Variants in UNC13B observed in about 807,000 individuals in gnomAD.
UNC13B encodes the protein protein unc-13 homolog B.
Under a neutral mutation model 211.0 loss-of-function variants are expected in UNC13B, and 144 were observed. The ratio of observed to expected loss-of-function variants is 0.68; its 90% CI spans 0.60 to 0.78. UNC13B has a LOEUF of 0.78. UNC13B is among the 30% of genes least tolerant of loss of function. The probability of loss-of-function intolerance (pLI) is 0.00; values close to 1 mark genes in which losing one functional copy is unlikely to be tolerated. For missense variants in UNC13B, 1,777 were observed against 2,002.0 expected, an observed-to-expected ratio of 0.89 and a Z score of 2.14; for synonymous variants, 709 against 725.8, an observed-to-expected ratio of 0.98 and a Z score of 0.37.
intron 3 of UNC13B, among the ~76,000 whole-genome samples, chr9:35,235,631 G>A (rs1472284368): frequency 1.3e-5 from 2 of 151,932 alleles, no homozygotes; most frequent in African/African-American, 2.4e-5. Context: ...TAGAGACAGG[G>A]TTTTGCAACG....
intron 6 of UNC13B, among the ~76,000 whole-genome samples, chr9:35,256,259 G>A (rs971915013): frequency 1.3e-5 from 2 of 151,968 alleles, no homozygotes; most frequent in African/African-American, 2.4e-5. Context: ...CCAGGATATT[G>A]CATTACACTT....
At chr9:35,195,476 G>T (rs1822885208) in intron 1 of UNC13B, among the ~76,000 whole-genome samples, 2 of 80,006 alleles carry the variant, frequency 2.5e-5, no homozygotes, top group Non-Finnish European at 5.0e-5. Flanking sequence ...ACCTCCTGAG[G>T]CTGTGTCACA....
At position 35,326,513 on chromosome 9, in the gene UNC13B, G is replaced by A. The variant is rs148217229; in HGVS notation, c.9414+12524G>A. ...CAGTCCTTCTACCTCAGCTTCCTGA[G>A]TAGCTTGGACTATAGGCATGCACCA... is the stretch of plus-strand genomic sequence containing the variant. On this transcript the variant is annotated intron_variant, in intron 11 of 39. Coordinates refer to ENST00000635942, the MANE Select transcript of UNC13B (RefSeq NM_001371189.2). 2.0e-3 allele frequency among the ~76,000 whole-genome samples: 297 copies of A among 152,190 alleles called. 1 individual carries two copies. Among genetic ancestry groups the A allele is most frequent in the African/African-American group, 5.5e-3 (227 of 41,520 alleles).
intron 7 of UNC13B, among the ~76,000 whole-genome samples, chr9:35,261,967 T>A (rs1332279554): frequency 2.0e-5 from 3 of 152,194 alleles, no homozygotes; most frequent in African/African-American, 4.8e-5. Flanking sequence ...TCTTTTTTTT[T>A]ATGGATAAAT....
rs750724373 is a variant in UNC13B, at chr9:35,228,017, A to G, written c.25A>G (p.Lys9Glu). 1.2e-6 allele frequency: 2 copies of G among 1,611,894 alleles called. No individual in the cohort carries two copies. The highest frequency in any genetic ancestry group is 2.7e-5 in the African/African-American group (2 of 74,840). ...GTATCCTCTTTTTTCTCTTGCAGTTAAAAGGGCCAAATTCCAGGGTTCACC... is the reference window on the plus strand; with the variant it reads ...GTATCCTCTTTTTTCTCTTGCAGTTGAAAGGGCCAAATTCCAGGGTTCACC... MSLLCVRVKRAKFQGSPDK... is the reference protein window; with the variant it reads MSLLCVRVERAKFQGSPDK... Residue 9 changes from lysine (K) to glutamate (E), a missense_variant and splice_region_variant, in exon 2 of 40, where the codon AAA becomes GAA. By Grantham distance (56) the Lys-to-Glu change is moderately conservative (BLOSUM62 1). Coordinates refer to ENST00000635942, the MANE Select transcript of UNC13B (RefSeq NM_001371189.2).
chr9:35,180,697 T>C (rs1203457669), intron 1 of UNC13B, among the ~76,000 whole-genome samples: 1 of 152,228 alleles, frequency 6.6e-6, no homozygotes, highest in Non-Finnish European at 1.5e-5. Flanking sequence ...AATTACATAC[T>C]CTACAACAGT....
At chr9:35,339,141 A>C (rs1324843864) in intron 11 of UNC13B, among the ~76,000 whole-genome samples, 2 of 152,158 alleles carry the variant, frequency 1.3e-5, no homozygotes, top group Non-Finnish European at 2.9e-5. Context: ...AAGGATTTAA[A>C]TTGGGAACCA....
chr9:35,175,488 A>G (rs1258675596), intron 1 of UNC13B, among the ~76,000 whole-genome samples: 3 of 152,192 alleles, frequency 2.0e-5, no homozygotes, highest in Admixed American at 6.5e-5. Flanking sequence ...TCTGTAGCCT[A>G]GAGTACAGCG....
At chr9:35,360,659 AT>A (rs1833350335) in intron 11 of UNC13B, 1 of 152,108 alleles carries the variant, frequency 6.6e-6, no homozygotes, top group Non-Finnish European at 1.5e-5. Flanking sequence ...TTAGTTAAAA[AT>A]TTTTTTTGAA....
chr9:35,209,624 C>T (rs1823856099), intron 1 of UNC13B, among the ~76,000 whole-genome samples: 1 of 152,008 alleles, frequency 6.6e-6, no homozygotes, highest in Admixed American at 6.6e-5. Context: ...GTGATCCGCC[C>T]ACCTCGGCCT....
intron 7 of UNC13B, among the ~76,000 whole-genome samples, chr9:35,295,243 C>A (rs936385980): frequency 2.0e-4 from 30 of 152,158 alleles, no homozygotes; most frequent in African/African-American, 7.2e-4. Context: ...TCTGAAAACA[C>A]CAAGACAACG....
Position 35,246,316 on chromosome 9 carries a change from T to A in UNC13B, c.468+2952T>A, listed in dbSNP as rs1410512686. Among the ~76,000 whole-genome samples, 9 of 152,148 alleles carry A rather than the reference T, an allele frequency of 5.9e-5. No homozygotes were observed. The South Asian group carries it at 1.9e-3, about 32-fold the overall frequency. On this transcript the variant is annotated intron_variant, in intron 6 of 39. Transcript: ENST00000635942. ...TCTGTAGGTTGCCTGTTGACTCTGA[T>A]GGTAGTTTCTTTTGCTGTGCAGAAG...
In UNC13B at chr9:35,396,559, C is replaced by A; in HGVS notation, c.11392C>A (p.Arg3798=). 1 of 1,614,074 alleles carries A rather than the reference C, an allele frequency of 6.2e-7. No homozygotes were observed. The highest frequency in any genetic ancestry group is 8.5e-7 in the Non-Finnish European group (1 of 1,180,016). Reference sequence around the variant, plus strand: ...GAAGTGGCTCCACAATGAATACGTGCGGGATCTGCCTGTCCTCCAGGGGCA... The same window carrying A: ...GAAGTGGCTCCACAATGAATACGTGAGGGATCTGCCTGTCCTCCAGGGGCA... ...KVKWLHNEYV[R]DLPVLQGQVP... Residue 3798 remains arginine (R), a synonymous_variant, in exon 27 of 40, where the codon CGG becomes AGG. Transcript: ENST00000635942.
intron 1 of UNC13B, among the ~76,000 whole-genome samples, chr9:35,196,488 G>A (rs1237877249): frequency 6.6e-6 from 1 of 152,126 alleles, no homozygotes; most frequent in African/African-American, 2.4e-5. Flanking sequence ...TTTTTTGAGG[G>A]TTAGGTACAG....
At chr9:35,203,663 A>T (rs1465634850) in intron 1 of UNC13B, among the ~76,000 whole-genome samples, 1 of 152,200 alleles carries the variant, frequency 6.6e-6, no homozygotes, top group Non-Finnish European at 1.5e-5. Flanking sequence ...GTGGTGGAAG[A>T]AATTTCCAAC....
Position 35,322,375 on chromosome 9 carries a change from G to C in UNC13B, c.9414+8386G>C, listed in dbSNP as rs140523953. On this transcript the variant is annotated intron_variant, in intron 11 of 39. Transcript: ENST00000635942. Reference sequence around the variant, plus strand: ...GTGGGTGGGTGTTCCAGGTGGAAGGGACAGTTCAGGAGAAGGCATGGAGAT... The same window carrying C: ...GTGGGTGGGTGTTCCAGGTGGAAGGCACAGTTCAGGAGAAGGCATGGAGAT... Among the ~76,000 whole-genome samples the C allele has an allele frequency of 3.0e-4, 45 of 152,220 alleles. 1 individual carries two copies. In the East Asian group the frequency reaches 8.5e-3, roughly 29 times the overall value.
chr9:35,281,346 G>T (rs568407839), intron 7 of UNC13B, among the ~76,000 whole-genome samples: 1 of 151,160 alleles, frequency 6.6e-6, no homozygotes, highest in East Asian at 1.9e-4. Context: ...AACGCTAGGG[G>T]CAGATGTTGC....
At chr9:35,174,774 C>T (rs1821528629) in intron 1 of UNC13B, among the ~76,000 whole-genome samples, 1 of 152,132 alleles carries the variant, frequency 6.6e-6, no homozygotes, top group South Asian at 2.1e-4. Context: ...TAGTCTCAAT[C>T]TCCTGGTTCC....
chr9:35,198,712 T>C (rs1277577959), intron 1 of UNC13B, among the ~76,000 whole-genome samples: 1 of 152,076 alleles, frequency 6.6e-6, no homozygotes, highest in East Asian at 1.9e-4. Context: ...ACCAAAATGT[T>C]GATAGTGATA....
Sources: gnomAD v4.1 joint callset for allele counts (sites outside exome capture counted in the v4.1 genomes callset) on GRCh38, gnomAD v4.1.1 for gene constraint, MANE v1.5 for transcripts, NCBI Gene and HGNC (gene_info 2026-07-23, HGNC 2026-07-21) for gene names.